THEMIS: variants seen among roughly 807,000 people sequenced by gnomAD.
THEMIS encodes protein THEMIS.
Under a neutral mutation model 52.6 loss-of-function variants are expected in THEMIS, and 37 were observed. The observed-to-expected ratio is 0.70, with a 90% CI of 0.54 to 0.93. THEMIS has a LOEUF of 0.93. THEMIS is among the 40% of genes least tolerant of loss of function. The pLI is 0.00. For synonymous variants in THEMIS, 292 were observed against 272.7 expected (o/e 1.07, Z -0.70); for missense variants, 808 against 763.1 (o/e 1.06, Z -0.69).
intron 1 of THEMIS, among the ~76,000 whole-genome samples, chr6:127,857,035 C>T (rs990571642): frequency 7.9e-5 from 12 of 151,054 alleles, no homozygotes; most frequent in African/African-American, 2.7e-4. Flanking sequence ...GACTACAACA[C>T]ATCAACTTCC....
chr6:127,858,924 C>T (rs1213818098), intron 1 of THEMIS, among the ~76,000 whole-genome samples: 2 of 152,194 alleles, frequency 1.3e-5, no homozygotes, highest in South Asian at 2.1e-4. Context: ...TTTGAAATCA[C>T]CTTTTCTGTA....
At chr6:127,816,220 A>C (rs1388336343) in intron 3 of THEMIS, among the ~76,000 whole-genome samples, 1 of 151,642 alleles carries the variant, frequency 6.6e-6, no homozygotes, top group Non-Finnish European at 1.5e-5. Context: ...CTCCCTATAC[A>C]CCACCCACCC....
At chr6:127,723,546 G>T (rs1774436217) in intron 4 of THEMIS, among the ~76,000 whole-genome samples, 2 of 151,998 alleles carry the variant, frequency 1.3e-5, no homozygotes, top group Non-Finnish European at 2.9e-5. Context: ...CAGCGGGGAG[G>T]TAGAGATTTA....
chr6:127,822,744 A>G (rs1249267621), intron 3 of THEMIS, among the ~76,000 whole-genome samples: 1 of 152,130 alleles, frequency 6.6e-6, no homozygotes, highest in Non-Finnish European at 1.5e-5. Context: ...TGTAGCTGTC[A>G]TCTACAATCA....
chr6:127,873,122 T>C (rs1321435068), intron 1 of THEMIS, among the ~76,000 whole-genome samples: 1 of 152,184 alleles, frequency 6.6e-6, no homozygotes, highest in Non-Finnish European at 1.5e-5. Context: ...CTAAAAGATG[T>C]TGATGTGAGA....
intron 5 of THEMIS, among the ~76,000 whole-genome samples, chr6:127,711,692 A>G (rs748656598): frequency 2.0e-5 from 3 of 152,176 alleles, no homozygotes; most frequent in African/African-American, 7.2e-5. Context: ...ATTTTTAGGC[A>G]GTATGCCCAG....
At chr6:127,906,824 G>C (rs1781280791) in intron 1 of THEMIS, among the ~76,000 whole-genome samples, 1 of 151,742 alleles carries the variant, frequency 6.6e-6, no homozygotes, top group Admixed American at 6.6e-5. Context: ...CCCAAGAGAA[G>C]TATTGTTGAA....
At chr6:127,790,486 G>T (rs544338178) in intron 4 of THEMIS, among the ~76,000 whole-genome samples, 1 of 152,148 alleles carries the variant, frequency 6.6e-6, no homozygotes, top group African/African-American at 2.4e-5. Flanking sequence ...TTTATGTGAG[G>T]TCATCTTAAT....
At chr6:127,747,385 A>G (rs1775485811) in intron 4 of THEMIS, among the ~76,000 whole-genome samples, 1 of 145,828 alleles carries the variant, frequency 6.9e-6, no homozygotes, top group Non-Finnish European at 1.5e-5. Flanking sequence ...TATATATTAT[A>G]GATATAGATT....
intron 1 of THEMIS, among the ~76,000 whole-genome samples, chr6:127,894,393 A>G (rs1036715677): frequency 1.3e-5 from 2 of 152,016 alleles, no homozygotes; most frequent in African/African-American, 4.8e-5. Flanking sequence ...AAAATCTTAT[A>G]TGATCACTAA....
intron 2 of THEMIS, among the ~76,000 whole-genome samples, chr6:127,853,674 A>G (rs995698823): frequency 2.0e-5 from 3 of 151,670 alleles, no homozygotes; most frequent in Non-Finnish European, 4.4e-5. Context: ...TCCTCCAATG[A>G]CAGTAATAAT....
intron 1 of THEMIS, among the ~76,000 whole-genome samples, chr6:127,884,965 C>A (rs188194493): frequency 1.1e-4 from 17 of 152,190 alleles, no homozygotes; most frequent in African/African-American, 3.9e-4. Context: ...CTTATAAGGA[C>A]CCTAATCCTA....
At chr6:127,915,149 A>C (rs1401775482) in intron 1 of THEMIS, among the ~76,000 whole-genome samples, 1 of 152,086 alleles carries the variant, frequency 6.6e-6, no homozygotes, top group Non-Finnish European at 1.5e-5. Context: ...TGAAGCTTTT[A>C]CTGGGGTGTG....
intron 1 of THEMIS, among the ~76,000 whole-genome samples, chr6:127,861,796 A>G (rs7741246): frequency 2.4e-5 from 2 of 84,600 alleles, no homozygotes; most frequent in East Asian, 6.4e-4. Context: ...AAAAAAAAAA[A>G]AAAAAAAAAG....
rs1778605440 is a variant in THEMIS at position 127,829,080 on chromosome 6, A to T, written c.709+396T>A. ...AATAGAAGTAAGGGATGCATCAAGGAAACTTTGCATATTTACCTCTTTTGT... is the reference window on the plus strand; with the variant it reads ...AATAGAAGTAAGGGATGCATCAAGGTAACTTTGCATATTTACCTCTTTTGT... On this transcript the variant is annotated intron_variant, in intron 3 of 5. Coordinates refer to ENST00000368248, the MANE Select transcript of THEMIS (RefSeq NM_001010923.3). Among the ~76,000 whole-genome samples the T allele has an allele frequency of 2.0e-5, 3 of 152,318 alleles. No individual in the cohort carries two copies. In the South Asian group the frequency reaches 6.2e-4, roughly 32 times the overall value.
intron 1 of THEMIS, among the ~76,000 whole-genome samples, chr6:127,883,104 A>G (rs1001976411): frequency 2.0e-5 from 3 of 152,024 alleles, no homozygotes; most frequent in African/African-American, 7.2e-5. Flanking sequence ...AAACGTAGTT[A>G]CTACTAGTGA....
intron 5 of THEMIS, among the ~76,000 whole-genome samples, chr6:127,716,081 A>G (rs1383324256): frequency 1.3e-5 from 2 of 151,928 alleles, no homozygotes; most frequent in Admixed American, 1.3e-4. Context: ...AGTTGTAGGG[A>G]AAATTCGAAG....
intron 4 of THEMIS, among the ~76,000 whole-genome samples, chr6:127,732,413 TA>T (rs1774845405): frequency 6.6e-6 from 1 of 152,174 alleles, no homozygotes; most frequent in Non-Finnish European, 1.5e-5. Context: ...TAGTATATAA[TA>T]CTTTCATGAA....
At chr6:127,869,219 G>A (rs546993348) in intron 1 of THEMIS, among the ~76,000 whole-genome samples, 1 of 152,128 alleles carries the variant, frequency 6.6e-6, no homozygotes, top group Non-Finnish European at 1.5e-5. Context: ...CCCATCATAA[G>A]TTAAAAATAT....
Sources: gnomAD v4.1 joint callset for allele counts (sites outside exome capture counted in the v4.1 genomes callset) on GRCh38, gnomAD v4.1.1 for gene constraint, MANE v1.5 for transcripts, NCBI Gene and HGNC (gene_info 2026-07-23, HGNC 2026-07-21) for gene names.